The following CFAP263 variants were observed in gnomAD, a reference collection of about 807,000 sequenced individuals.
The protein encoded by CFAP263 is cilia- and flagella-associated protein 263.
the CFAP263 span, among the ~76,000 whole-genome samples, chr16:58,256,573 C>T: frequency 6.6e-6 from 1 of 152,116 alleles, no homozygotes; most frequent in East Asian, 1.9e-4. Flanking sequence ...TTGAGTAAGG[C>T]AATGATTTCT....
the CFAP263 span, chr16:58,280,228 A>T: frequency 6.2e-7 from 1 of 1,609,006 alleles, no homozygotes; most frequent in Non-Finnish European, 8.5e-7. Flanking sequence ...CCTGGACTAG[A>T]TACTGCTGCA....
At chr16:58,259,762 G>A in the CFAP263 span, 1 of 698,022 alleles carries the variant, frequency 1.4e-6, no homozygotes. Context: ...CTCAAGGTTT[G>A]GTTTGCAGCC....
chr16:58,273,148 A>G, the CFAP263 span, among the ~76,000 whole-genome samples: 1 of 151,966 alleles, frequency 6.6e-6, no homozygotes, highest in Non-Finnish European at 1.5e-5. Flanking sequence ...GAATATGATG[A>G]GTCTGGGTGT....
the CFAP263 span, chr16:58,280,512 T>C: frequency 1.1e-5 from 17 of 1,614,218 alleles, no homozygotes; most frequent in Middle Eastern, 1.6e-4. Flanking sequence ...AATCAGAATA[T>C]GTCTTCTGTG....
the CFAP263 span, chr16:58,267,375 C>A: frequency 1.3e-6 from 1 of 796,622 alleles, no homozygotes; most frequent in Non-Finnish European, 2.1e-6. Context: ...TTTGGACTTT[C>A]TGGATGGTCC....
chr16:58,263,422 C>T, the CFAP263 span, among the ~76,000 whole-genome samples: 1 of 151,956 alleles, frequency 6.6e-6, no homozygotes, highest in African/African-American at 2.4e-5. Flanking sequence ...ATTTTTTTCT[C>T]TTGTTAATAT....
At chr16:58,272,295 C>T in the CFAP263 span, among the ~76,000 whole-genome samples, 21,740 of 151,974 alleles carry the variant, frequency 0.14, 1,638 homozygotes, top group East Asian at 0.2. Context: ...GGATTACAAG[C>T]GTGAGCCACC....
chr16:58,270,910 G>A, the CFAP263 span, among the ~76,000 whole-genome samples: 8 of 152,198 alleles, frequency 5.3e-5, no homozygotes, highest in East Asian at 1.9e-4. Context: ...ACTATCTGGC[G>A]TTTCTTATGC....
At chr16:58,257,350 T>G in the CFAP263 span, among the ~76,000 whole-genome samples, 1 of 152,252 alleles carries the variant, frequency 6.6e-6, no homozygotes, top group African/African-American at 2.4e-5. Context: ...AATAGTATCA[T>G]GTTATTTTGT....
At chr16:58,270,635 T>G in the CFAP263 span, among the ~76,000 whole-genome samples, 1 of 152,204 alleles carries the variant, frequency 6.6e-6, no homozygotes, top group Non-Finnish European at 1.5e-5. Flanking sequence ...TTTATCCATT[T>G]TTTTTCTTTT....
the CFAP263 span, chr16:58,279,658 TTTTTTTTC>T: frequency 3.1e-4 from 461 of 1,477,846 alleles, no homozygotes; most frequent in Non-Finnish European, 3.9e-4. Context: ...TCCTTTATCA[TTTTTTTTC>T]TTTTTTTCTT....
At chr16:58,258,798 G>A in the CFAP263 span, among the ~76,000 whole-genome samples, 6 of 152,056 alleles carry the variant, frequency 3.9e-5, no homozygotes, top group Non-Finnish European at 5.9e-5. Context: ...GGCCAACATG[G>A]TGAAACCCCA....
chr16:58,280,149 A>G, the CFAP263 span: 2 of 1,467,168 alleles, frequency 1.4e-6, no homozygotes, highest in East Asian at 2.3e-5. Context: ...AAAAACAGAC[A>G]TCAAAACAGC....
At chr16:58,269,881 T>G in the CFAP263 span, among the ~76,000 whole-genome samples, 6 of 152,204 alleles carry the variant, frequency 3.9e-5, no homozygotes, top group African/African-American at 1.4e-4. Flanking sequence ...TTGTGGGTTA[T>G]ACATGGTAAT....
the CFAP263 span, among the ~76,000 whole-genome samples, chr16:58,259,032 C>T: frequency 7.6e-5 from 11 of 145,430 alleles, no homozygotes; most frequent in East Asian, 2.0e-4. Flanking sequence ...TAAATAAATG[C>T]GTGTTTATCA....
chr16:58,256,941 C>T, the CFAP263 span, among the ~76,000 whole-genome samples: 1 of 151,056 alleles, frequency 6.6e-6, no homozygotes, highest in Non-Finnish European at 1.5e-5. Flanking sequence ...CAATTTACCA[C>T]TCAGAGGTAA....
the CFAP263 span, among the ~76,000 whole-genome samples, chr16:58,262,018 C>T: frequency 6.6e-6 from 1 of 152,102 alleles, no homozygotes; most frequent in Admixed American, 6.5e-5. Context: ...CTGTGGGATG[C>T]CCTCTGTGCG....
the CFAP263 span, among the ~76,000 whole-genome samples, chr16:58,264,289 C>A: frequency 6.6e-6 from 1 of 152,202 alleles, no homozygotes; most frequent in African/African-American, 2.4e-5. Context: ...TTAAGCAGCA[C>A]AGGGCCTGCC....
the CFAP263 span, among the ~76,000 whole-genome samples, chr16:58,259,676 T>C: frequency 5.3e-5 from 8 of 152,170 alleles, no homozygotes; most frequent in African/African-American, 1.9e-4. Context: ...CCTCTGCTTC[T>C]TGGTCATGAA....
Sources: gnomAD v4.1 joint callset for allele counts (sites outside exome capture counted in the v4.1 genomes callset) on GRCh38, gnomAD v4.1.1 for gene constraint, MANE v1.5 for transcripts, NCBI Gene and HGNC (gene_info 2026-07-23, HGNC 2026-07-21) for gene names.